Variants in EYS observed in about 807,000 individuals in gnomAD.
EYS encodes the protein protein eyes shut homolog.
Under a neutral mutation model 282.1 loss-of-function variants are expected in EYS, and 250 were observed. That is an observed-to-expected ratio of 0.89 (90% CI 0.80 to 0.98). EYS has a LOEUF of 0.98. Among genes scored for constraint, EYS ranks in the 50% least tolerant of loss-of-function variants. The pLI, the probability that EYS is intolerant of heterozygous loss-of-function variation, is 0.00. For missense variants in EYS, 4,016 were observed against 3,709.0 expected (o/e 1.08, Z -2.15); for synonymous variants, 1,355 against 1,282.9 (o/e 1.06, Z -1.20).
chr6:64,709,803 T>A (rs6926427), intron 22 of EYS, among the ~76,000 whole-genome samples: 142,309 of 152,276 alleles, frequency 0.93, 66,867 homozygotes, highest in Non-Finnish European at 0.99. Flanking sequence ...ATTTTAACTT[T>A]GTGGCATGAA....
chr6:65,443,224 A>C lies in EYS; in HGVS notation c.863-37857T>G, dbSNP rs568198730. Among the ~76,000 whole-genome samples the C allele has an allele frequency of 1.7e-4, 26 of 151,914 alleles. 2 individuals carry two copies. Among genetic ancestry groups the C allele is most frequent in the African/African-American group, 5.8e-4 (24 of 41,506 alleles). Reference sequence around the variant, plus strand: ...ACATATATGTATGCATCATATACACATGTATGTGAACATATAGACATATGT... The same window carrying C: ...ACATATATGTATGCATCATATACACCTGTATGTGAACATATAGACATATGT... On this transcript the variant is annotated intron_variant, in intron 5 of 42. Transcript: ENST00000503581.
intron 12 of EYS, among the ~76,000 whole-genome samples, chr6:65,264,627 A>G (rs72883278): frequency 0.036 from 5,400 of 152,112 alleles, 126 homozygotes; most frequent in Non-Finnish European, 0.054. Context: ...AATAAAAGTG[A>G]TTTAATAAAA....
chr6:64,205,652 A>G (rs1024814078), intron 31 of EYS, among the ~76,000 whole-genome samples: 8 of 152,104 alleles, frequency 5.3e-5, no homozygotes, highest in Non-Finnish European at 1.0e-4. Context: ...GCGTTGACCC[A>G]ATCTCTAAAT....
At chr6:63,918,694 C>G (rs375167264) in intron 35 of EYS, among the ~76,000 whole-genome samples, 20 of 152,262 alleles carry the variant, frequency 1.3e-4, no homozygotes, top group East Asian at 5.8e-4. Context: ...GCAGCACTCA[C>G]CTCACTTATT....
chr6:64,523,622 A>G (rs1777826203), intron 26 of EYS, among the ~76,000 whole-genome samples: 1 of 151,746 alleles, frequency 6.6e-6, no homozygotes. Flanking sequence ...TCTGTGTAAA[A>G]AGAGGAGGAT....
Position 64,861,368 on chromosome 6 carries a change from G to C in EYS, c.2992+25329C>G, listed in dbSNP as rs117964666. On this transcript the variant is annotated intron_variant, in intron 19 of 42. Transcript: ENST00000503581. Reference sequence around the variant, plus strand: ...TCACTGGAGGGGGCACAAGGAACAGGAAGAAGCCAGGCAGCAGGAGCAGGC... The same window carrying C: ...TCACTGGAGGGGGCACAAGGAACAGCAAGAAGCCAGGCAGCAGGAGCAGGC... Among the ~76,000 whole-genome samples the C allele has an allele frequency of 2.3e-3, 345 of 152,324 alleles. 3 individuals are homozygous for C. In the East Asian group the frequency reaches 0.062, roughly 27 times the overall value.
chr6:64,886,369 A>T (rs1375223984), intron 19 of EYS, among the ~76,000 whole-genome samples: 1 of 151,980 alleles, frequency 6.6e-6, no homozygotes, highest in Non-Finnish European at 1.5e-5. Context: ...GTTTTGTAAC[A>T]GATATAATAA....
intron 5 of EYS, among the ~76,000 whole-genome samples, chr6:65,409,569 A>G (rs1766892950): frequency 6.6e-6 from 1 of 152,158 alleles, no homozygotes; most frequent in African/African-American, 2.4e-5. Context: ...GAAAAGGGAG[A>G]CATCTGACTC....
At chr6:64,635,070 A>C (rs1051057535) in intron 22 of EYS, among the ~76,000 whole-genome samples, 1 of 151,750 alleles carries the variant, frequency 6.6e-6, no homozygotes, top group Non-Finnish European at 1.5e-5. Context: ...TAGGTATTTT[A>C]TTCTCTTTGT....
rs537755391 is a variant in EYS, at chr6:65,221,313, C to G, written c.2023+74550G>C. Among the ~76,000 whole-genome samples, 5 of 152,250 alleles carry G rather than the reference C, an allele frequency of 3.3e-5. No individual in the cohort carries two copies. The East Asian group carries it at 9.7e-4, about 29-fold the overall frequency. ...CATAGCAGCCCCTCCCATCACATGC[C>G]CAGAGGCCTAGGAGGAAAAAATGGT... On this transcript the variant is annotated intron_variant, in intron 12 of 42. Coordinates refer to ENST00000503581, the MANE Select transcript of EYS (RefSeq NM_001142800.2).
In EYS at chr6:64,591,608, G is replaced by A; in HGVS notation, c.4259C>T (p.Ser1420Phe). Reference sequence around the variant, plus strand: ...AATTACTGAAGTCGTTGGGGTAGCAGATAAAGCAACAGTCTGACAGTTCTC... The same window carrying A: ...AATTACTGAAGTCGTTGGGGTAGCAAATAAAGCAACAGTCTGACAGTTCTC... ...LFENCQTVAL[S>F]ATPTTSVIRS... The change falls in exon 26 of 43, where the codon TCT becomes TTT. Residue 1420 changes from serine (S) to phenylalanine (F), a missense_variant. Ser to Phe is a radical substitution (Grantham distance 155). Transcript: ENST00000503581. 6.4e-7 allele frequency: 1 copy of A among 1,551,160 alleles called. No individual in the cohort carries two copies. The highest frequency in any genetic ancestry group is 8.7e-7 in the Non-Finnish European group (1 of 1,146,694).
chr6:63,970,408 G>A (rs185973757), intron 35 of EYS, among the ~76,000 whole-genome samples: 50 of 152,182 alleles, frequency 3.3e-4, no homozygotes, highest in Admixed American at 2.7e-3. Flanking sequence ...GGCCGAGGTG[G>A]CCAGATCACT....
At chr6:64,423,902 T>C (rs995395983) in intron 28 of EYS, among the ~76,000 whole-genome samples, 17 of 152,234 alleles carry the variant, frequency 1.1e-4, no homozygotes, top group African/African-American at 3.6e-4. Context: ...GTTGCTTGTA[T>C]ATAAACTTAA....
chr6:64,308,404 A>G (rs1561920994), intron 29 of EYS, among the ~76,000 whole-genome samples: 1 of 152,096 alleles, frequency 6.6e-6, no homozygotes, highest in Non-Finnish European at 1.5e-5. Context: ...TATATTTATG[A>G]GAAAAAGGGA....
At chr6:64,348,177 G>A (rs1450366859) in intron 29 of EYS, among the ~76,000 whole-genome samples, 1 of 151,130 alleles carries the variant, frequency 6.6e-6, no homozygotes, top group African/African-American at 2.4e-5. Context: ...AATAACTATT[G>A]AGCACTATTA....
intron 29 of EYS, among the ~76,000 whole-genome samples, chr6:64,328,242 C>T (rs1405476421): frequency 6.6e-6 from 1 of 152,136 alleles, no homozygotes; most frequent in Non-Finnish European, 1.5e-5. Context: ...AGAAGAGCAC[C>T]ATAGAGTTAT....
rs1436384178 is a variant in EYS at position 65,550,944 on chromosome 6, C to T, written c.-332-54951G>A. 1.1e-4 allele frequency among the ~76,000 whole-genome samples: 3 copies of T among 27,838 alleles called. 1 individual carries two copies. Among genetic ancestry groups the T allele is most frequent in the African/African-American group, 7.5e-4 (2 of 2,656 alleles). The allele number at this position is 27,838 out of a possible 152,430, so 18.3% of individuals were successfully genotyped here. A position where few individuals can be genotyped will look rare whatever the true frequency, so the allele number is the denominator to read the frequency against. On this transcript the variant is annotated intron_variant, in intron 2 of 42. Coordinates refer to ENST00000503581, the MANE Select transcript of EYS (RefSeq NM_001142800.2). ...CTTCCACAATGGTTGAACTAGTTTA[C>T]AGTCCCACCAACAGTGTAAAAGTGT...
In EYS at chr6:65,598,238, A is replaced by G. The variant is rs112829973; in HGVS notation, c.-333+41540T>C. On this transcript the variant is annotated intron_variant, in intron 2 of 42. Coordinates refer to ENST00000503581, the MANE Select transcript of EYS (RefSeq NM_001142800.2). ...ATTGAGAAGACCCTCCTCCCCACCC[A>G]CCCCCCCCCCAAAAAAAAAAACAAA... is the stretch of plus-strand genomic sequence containing the variant. Among the ~76,000 whole-genome samples, 12 of 14,498 alleles carry G rather than the reference A, an allele frequency of 8.3e-4. 1 individual carries two copies. The highest frequency in any genetic ancestry group is 4.8e-3 in the Admixed American group (7 of 1,464). 9.5% of individuals were successfully genotyped at this position (14,498 alleles called of 152,430 possible).
At chr6:64,502,383 G>A (rs181835966) in intron 26 of EYS, among the ~76,000 whole-genome samples, 1 of 152,138 alleles carries the variant, frequency 6.6e-6, no homozygotes, top group African/African-American at 2.4e-5. Context: ...TAGGACTCCC[G>A]GCTAATTTTT....
Sources: gnomAD v4.1 joint callset for allele counts (sites outside exome capture counted in the v4.1 genomes callset) on GRCh38, gnomAD v4.1.1 for gene constraint, MANE v1.5 for transcripts, NCBI Gene and HGNC (gene_info 2026-07-23, HGNC 2026-07-21) for gene names.